Variants in OPCML observed in about 807,000 individuals in gnomAD.
OPCML encodes opioid binding protein/cell adhesion molecule like.
A neutral mutation model predicts 37.8 loss-of-function variants in OPCML; 13 were observed. That is an observed-to-expected ratio of 0.34 (90% CI 0.22 to 0.55). The LOEUF is 0.55. OPCML is among the 20% of genes least tolerant of loss of function. The pLI is 0.91. For missense variants in OPCML, 341 were observed against 435.6 expected, an observed-to-expected ratio of 0.78 and a Z score of 1.93; for synonymous variants, 176 against 168.8, an observed-to-expected ratio of 1.04 and a Z score of -0.33.
intron 1 of OPCML, among the ~76,000 whole-genome samples, chr11:133,108,533 G>A (rs999552984): frequency 1.3e-5 from 2 of 151,944 alleles, no homozygotes; most frequent in African/African-American, 4.8e-5. Context: ...TTTCCAGCGG[G>A]GTAAATGGGA....
intron 2 of OPCML, among the ~76,000 whole-genome samples, chr11:132,931,347 C>G (rs1945193832): frequency 6.6e-6 from 1 of 152,104 alleles, no homozygotes; most frequent in African/African-American, 2.4e-5. Flanking sequence ...TTAAAGCCTT[C>G]TTCATCAAAA....
At chr11:133,238,210 G>A (rs1037751630) in intron 1 of OPCML, among the ~76,000 whole-genome samples, 7 of 152,108 alleles carry the variant, frequency 4.6e-5, no homozygotes, top group Admixed American at 2.0e-4. Context: ...CAGGCGTTCT[G>A]GGCTGTCTTC....
rs530699574 is a variant in OPCML at position 133,480,364 on chromosome 11, C to A, written c.61+51900G>T. ...GTTCATGTAACCTGGAGTGGTAGAA[C>A]CAGGCTTTGGCCTTGCTCTGCACCT... On this transcript the variant is annotated intron_variant, in intron 1 of 7. Transcript: ENST00000524381. 6.8e-4 allele frequency among the ~76,000 whole-genome samples: 103 copies of A among 152,330 alleles called. 1 individual carries two copies. The highest frequency in any genetic ancestry group is 2.3e-3 in the African/African-American group (97 of 41,574).
chr11:133,438,252 A>T (rs918522346), intron 1 of OPCML, among the ~76,000 whole-genome samples: 1 of 152,204 alleles, frequency 6.6e-6, no homozygotes, highest in African/African-American at 2.4e-5. Context: ...CTGTCGACAG[A>T]ATTGTTAAAA....
At chr11:132,761,385 A>G (rs1375063268) in intron 2 of OPCML, among the ~76,000 whole-genome samples, 1 of 152,004 alleles carries the variant, frequency 6.6e-6, no homozygotes, top group African/African-American at 2.4e-5. Context: ...CTACTGGATG[A>G]TATCACGAAG....
intron 4 of OPCML, among the ~76,000 whole-genome samples, chr11:132,455,121 C>T (rs1407253795): frequency 1.3e-5 from 2 of 152,240 alleles, no homozygotes; most frequent in East Asian, 1.9e-4. Flanking sequence ...CCATGCTCCT[C>T]ATACCAGCAT....
At chr11:133,362,117 ATTT>A (rs1944436475) in intron 1 of OPCML, 1 of 152,258 alleles carries the variant, frequency 6.6e-6, no homozygotes, top group South Asian at 2.1e-4. Flanking sequence ...TGCTAAGTGC[ATTT>A]TCCTTCCACC....
intron 3 of OPCML, among the ~76,000 whole-genome samples, chr11:132,544,999 G>A (rs2096365681): frequency 6.6e-6 from 1 of 152,114 alleles, no homozygotes; most frequent in Non-Finnish European, 1.5e-5. Flanking sequence ...ATACATTCCA[G>A]AGTCTTAATT....
intron 2 of OPCML, among the ~76,000 whole-genome samples, chr11:132,677,311 T>C (rs1276361461): frequency 6.6e-6 from 1 of 152,162 alleles, no homozygotes; most frequent in African/African-American, 2.4e-5. Flanking sequence ...TTGTCAAGAT[T>C]TCAGTTCTTC....
intron 4 of OPCML, among the ~76,000 whole-genome samples, chr11:132,489,119 A>G (rs1034133784): frequency 6.6e-6 from 1 of 152,178 alleles, no homozygotes; most frequent in Admixed American, 6.5e-5. Flanking sequence ...GCTTTTTCCA[A>G]TTTTTAAAAT....
At position 133,419,302 on chromosome 11, in the gene OPCML, G is replaced by T. The variant is rs1279223716; in HGVS notation, c.61+112962C>A. 5.1e-6 allele frequency: 5 copies of T among 985,294 alleles called. No individual in the cohort carries two copies. The South Asian group carries it at 2.3e-4, about 46-fold the overall frequency. 61.0% of individuals were successfully genotyped at this position (985,294 alleles called of 1,614,324 possible). A position where few individuals can be genotyped will look rare whatever the true frequency, so the allele number is the denominator to read the frequency against. ...AATTTGTGAAACCTCGAGATGTCTG[G>T]TGTAAACTGGAAAATAGGCATGAAT... On this transcript the variant is annotated intron_variant, in intron 1 of 7. Coordinates refer to ENST00000524381, the MANE Select transcript of OPCML (RefSeq NM_001012393.5).
In OPCML at chr11:132,782,698, T is replaced by C. The variant is rs76361993; in HGVS notation, c.147-125379A>G. The stretch of plus-strand genomic sequence containing the variant: ...ATTCCTCTTGTTAGGGATGGGAAAA[T>C]CACTTCTCTCATTTCTTTATGACTG... On this transcript the variant is annotated intron_variant, in intron 2 of 7. Coordinates refer to ENST00000524381, the MANE Select transcript of OPCML (RefSeq NM_001012393.5). Among the ~76,000 whole-genome samples, 309 of 151,846 alleles carry C rather than the reference T, an allele frequency of 2.0e-3. 4 individuals are homozygous for C. The East Asian group carries it at 0.052, about 26-fold the overall frequency.
intron 4 of OPCML, among the ~76,000 whole-genome samples, chr11:132,446,264 A>C (rs887229451): frequency 6.9e-6 from 1 of 144,914 alleles, no homozygotes; most frequent in African/African-American, 2.5e-5. Context: ...GATGTGGCAC[A>C]TTCCCTTTAA....
chr11:132,977,718 G>T (rs915360547), intron 1 of OPCML, among the ~76,000 whole-genome samples: 1 of 152,166 alleles, frequency 6.6e-6, no homozygotes, highest in Admixed American at 6.5e-5. Context: ...TGACCCACCT[G>T]ATCTACAAAC....
intron 2 of OPCML, among the ~76,000 whole-genome samples, chr11:132,688,340 G>T (rs578142564): frequency 6.6e-6 from 1 of 152,266 alleles, no homozygotes; most frequent in African/African-American, 2.4e-5. Context: ...TGACAAACAT[G>T]AGGAGAAACA....
chr11:132,733,115 A>G (rs1045314691), intron 2 of OPCML, among the ~76,000 whole-genome samples: 1 of 152,226 alleles, frequency 6.6e-6, no homozygotes, highest in African/African-American at 2.4e-5. Flanking sequence ...ACAAAAAGAT[A>G]AAAATCATCA....
intron 3 of OPCML, among the ~76,000 whole-genome samples, chr11:132,570,647 G>T (rs1341197113): frequency 6.7e-6 from 1 of 150,310 alleles, no homozygotes; most frequent in Non-Finnish European, 1.5e-5. Context: ...AAAAGAAGCA[G>T]GGGAAATAAT....
At chr11:132,623,612 G>T (rs1371484325) in intron 3 of OPCML, among the ~76,000 whole-genome samples, 1 of 152,054 alleles carries the variant, frequency 6.6e-6, no homozygotes, top group East Asian at 1.9e-4. Flanking sequence ...AGAAAATCTG[G>T]AAGGGCTGGG....
chr11:133,114,092 T>G (rs1949296078), intron 1 of OPCML, among the ~76,000 whole-genome samples: 1 of 152,246 alleles, frequency 6.6e-6, no homozygotes, highest in Admixed American at 6.5e-5. Context: ...CTGGCAGTTG[T>G]GGAAGAATTT....
Sources: allele counts gnomAD v4.1 joint callset (sites outside exome capture counted in the v4.1 genomes callset), GRCh38; gene constraint gnomAD v4.1.1; transcripts MANE v1.5; gene names NCBI Gene and HGNC (gene_info 2026-07-23, HGNC 2026-07-21).